SLC30A5: variants seen among roughly 807,000 people sequenced by gnomAD.
SLC30A5 encodes solute carrier family 30 member 5.
SLC30A5 carries 33 observed loss-of-function variants against 79.6 expected under a neutral mutation model. The observed-to-expected ratio is 0.41, with a 90% CI of 0.31 to 0.55. The LOEUF (loss-of-function observed/expected upper bound fraction) is 0.55. Ranked by LOEUF, SLC30A5 falls within the 20% of genes least tolerant of loss-of-function variation. The pLI is 0.20. For synonymous variants in SLC30A5, 299 were observed against 319.7 expected (o/e 0.94, Z 0.69); for missense variants, 788 against 928.1 (o/e 0.85, Z 1.96).
At chr5:69,115,164 A>T in intron 7 of SLC30A5, 73 bp from the exon 8 acceptor site, 1 of 818,302 alleles carries the variant, frequency 1.2e-6, no homozygotes, top group Non-Finnish European at 1.8e-6. Context: ...AAAAAAAAAA[A>T]AGATCATGTA....
At chr5:69,121,215 TG>T (rs1176647459) in intron 12 of SLC30A5, among the ~76,000 whole-genome samples, 1 of 152,234 alleles carries the variant, frequency 6.6e-6, no homozygotes, top group Non-Finnish European at 1.5e-5. Context: ...TGTTTTACTT[TG>T]GAAAATTTTA....
chr5:69,119,537 C>T (rs1172414755), intron 12 of SLC30A5, among the ~76,000 whole-genome samples: 4 of 152,152 alleles, frequency 2.6e-5, no homozygotes, highest in Non-Finnish European at 5.9e-5. Flanking sequence ...GTTCTAGCAC[C>T]TGGCTTGTCG....
chr5:69,116,204 C>T lies in SLC30A5; in HGVS notation c.1062C>T (p.Phe354=). 1 of 1,572,944 alleles carries T rather than the reference C, an allele frequency of 6.4e-7. No individual in the cohort carries two copies. Residue 354 remains phenylalanine, a synonymous_variant, in exon 9 of 16, where the codon TTC becomes TTT. Coordinates refer to ENST00000396591, the MANE Select transcript of SLC30A5 (RefSeq NM_022902.5). The surrounding 1 kb of genome is among the most constrained non-coding windows in gnomAD (Gnocchi z 4.0). ...LSGGVVVSAI[F]FILSANILSS... Reference sequence around the variant, plus strand: ...GAGGAGTGGTAGTGAGTGCTATATTCTTCATTTTGTGTAAGCATTCCCCCC... The same window carrying T: ...GAGGAGTGGTAGTGAGTGCTATATTTTTCATTTTGTGTAAGCATTCCCCCC...
intron 7 of SLC30A5, 100 bp from the exon 8 acceptor site, chr5:69,115,135 GAA>G (rs60614154): frequency 2.5e-3 from 1,330 of 538,530 alleles, no homozygotes; most frequent in South Asian, 7.2e-3. Flanking sequence ...TGTCTCTGGG[GAA>G]AAAAAAAAAA....
intron 14 of SLC30A5, among the ~76,000 whole-genome samples, chr5:69,125,177 G>T (rs1388964891): frequency 6.6e-6 from 1 of 151,180 alleles, no homozygotes; most frequent in Admixed American, 6.6e-5. Context: ...ATCACCTGAG[G>T]CCAGGAGTTC....
At chr5:69,110,696 T>C (rs982330813) in intron 5 of SLC30A5, among the ~76,000 whole-genome samples, 3 of 152,180 alleles carry the variant, frequency 2.0e-5, no homozygotes, top group Admixed American at 6.5e-5. Flanking sequence ...TTCATAATGA[T>C]TATAAACTTA....
At chr5:69,114,031 A>C (rs1746300386) in intron 6 of SLC30A5, among the ~76,000 whole-genome samples, 1 of 152,216 alleles carries the variant, frequency 6.6e-6, no homozygotes, top group Non-Finnish European at 1.5e-5. Context: ...TCAGTCTTAA[A>C]GGGCAACCTT....
rs1413345573 is a variant in SLC30A5, at chr5:69,116,749, G to A, written c.1281+147G>A. 1.1e-5 allele frequency: 6 copies of A among 556,354 alleles called. No individual in the cohort carries two copies. Among genetic ancestry groups the A allele is most frequent in the African/African-American group, 1.9e-5 (1 of 51,714 alleles). 34.5% of individuals were successfully genotyped at this position (556,354 alleles called of 1,614,324 possible). On this transcript the variant is annotated intron_variant, in intron 10 of 15. Coordinates refer to ENST00000396591, the MANE Select transcript of SLC30A5 (RefSeq NM_022902.5). The surrounding 1 kb of genome is among the most constrained non-coding windows in gnomAD (Gnocchi z 4.0). Reference sequence around the variant, plus strand: ...TTTCTAAGTATAATAGCAAGATTACGAGATCATATTCAGATTCCTTAGGCA... The same window carrying A: ...TTTCTAAGTATAATAGCAAGATTACAAGATCATATTCAGATTCCTTAGGCA...
intron 4 of SLC30A5, 93 bp from the exon 5 acceptor site, chr5:69,108,256 G>T: frequency 1.0e-6 from 1 of 952,426 alleles, no homozygotes; most frequent in Non-Finnish European, 1.6e-6. Context: ...GAAATCAAGG[G>T]GAAATGTTTT....
intron 5 of SLC30A5, among the ~76,000 whole-genome samples, chr5:69,112,703 G>C (rs533736927): frequency 6.6e-6 from 1 of 152,054 alleles, no homozygotes; most frequent in African/African-American, 2.4e-5. Flanking sequence ...TGACTTTGCT[G>C]GTTTTACCGT....
rs1422903901 is a variant in SLC30A5 at position 69,125,449 on chromosome 5, C to A, written c.1998+2024C>A. Among the ~76,000 whole-genome samples, 3 of 151,702 alleles carry A rather than the reference C, an allele frequency of 2.0e-5. No homozygotes were observed. The East Asian group carries it at 5.8e-4, about 29-fold the overall frequency. ...GCTGAGTCAGTAGAATCGCTTGAAC[C>A]CAGGAGGTGGAGGTTGCAGTGAGCT... On this transcript the variant is annotated intron_variant, in intron 14 of 15. Transcript: ENST00000396591.
Position 69,100,870 on chromosome 5 carries a change from A to G in SLC30A5, c.147A>G (p.Glu49=). 1 of 1,607,896 alleles carries G rather than the reference A, an allele frequency of 6.2e-7. No homozygotes were observed. Among genetic ancestry groups the G allele is most frequent in the East Asian group, 2.3e-5 (1 of 44,310 alleles). ...TTTTGAAGGCTGTGGGACTTTTCGA[A>G]TCATATGATCTCCTAAAAGCTGTTC... The part of the protein sequence containing the change: ...TKFLKAVGLF[E]SYDLLKAVHI... Residue 49 remains glutamate, a synonymous_variant, in exon 2 of 16, where the codon GAA becomes GAG. Coordinates refer to ENST00000396591, the MANE Select transcript of SLC30A5 (RefSeq NM_022902.5).
intron 7 of SLC30A5, 70 bp from the exon 8 acceptor site, chr5:69,115,167 A>AAATTTTT: frequency 1.3e-6 from 1 of 743,904 alleles, no homozygotes; most frequent in Non-Finnish European, 2.1e-6. Context: ...AAAAAAAAAG[A>AAATTTTT]TCATGTATTT....
At chr5:69,102,046 C>T (rs1745938201) in intron 2 of SLC30A5, among the ~76,000 whole-genome samples, 1 of 138,924 alleles carries the variant, frequency 7.2e-6, no homozygotes, top group Non-Finnish European at 1.5e-5. Flanking sequence ...GCACCAGTGA[C>T]GTGCTTTTTT....
At chr5:69,103,948 TTC>T (rs1396485852) in intron 3 of SLC30A5, 1 of 1,525,628 alleles carries the variant, frequency 6.6e-7, no homozygotes, top group South Asian at 1.2e-5. Flanking sequence ...TTTAACTTTT[TTC>T]TCTCCTTTCA....
Position 69,117,864 on chromosome 5 carries a change from G to A in SLC30A5, c.1439+468G>A, listed in dbSNP as rs1458238417. Among the ~76,000 whole-genome samples, 137 of 120,156 alleles carry A rather than the reference G, an allele frequency of 1.1e-3. No individual in the cohort carries two copies. In the Middle Eastern group the frequency reaches 0.021, roughly 18 times the overall value. The allele number at this position is 120,156 out of a possible 152,430, so 78.8% of individuals were successfully genotyped here. A position where few individuals can be genotyped will look rare whatever the true frequency, so the allele number is the denominator to read the frequency against. Reference sequence around the variant, plus strand: ...TGCACTCCAGCCTGGGCAACAGAGTGAGACTATGTCTCAAAAAAAAAAAAG... The same window carrying A: ...TGCACTCCAGCCTGGGCAACAGAGTAAGACTATGTCTCAAAAAAAAAAAAG... On this transcript the variant is annotated intron_variant, in intron 11 of 15. Transcript: ENST00000396591.
intron 14 of SLC30A5, among the ~76,000 whole-genome samples, chr5:69,125,821 A>C: frequency 8.1e-6 from 1 of 124,104 alleles, no homozygotes; most frequent in Admixed American, 8.3e-5. Flanking sequence ...CAGTGAGCCG[A>C]GATCACGCCA....
At chr5:69,109,260 G>A (rs1746166591) in intron 5 of SLC30A5, among the ~76,000 whole-genome samples, 1 of 151,760 alleles carries the variant, frequency 6.6e-6, no homozygotes, top group South Asian at 2.1e-4. Context: ...TTTACCTGAT[G>A]TGATTATATA....
At chr5:69,099,070 T>G (rs960333785) in intron 1 of SLC30A5, among the ~76,000 whole-genome samples, 3 of 152,336 alleles carry the variant, frequency 2.0e-5, no homozygotes, top group Middle Eastern at 3.4e-3. Flanking sequence ...ATTTGATTGA[T>G]TCTGCAATAA....
Sources: allele counts gnomAD v4.1 joint callset (sites outside exome capture counted in the v4.1 genomes callset), GRCh38; gene constraint gnomAD v4.1.1; non-coding constraint Gnocchi (gnomAD v3.1); transcripts MANE v1.5; gene names NCBI Gene and HGNC (gene_info 2026-07-23, HGNC 2026-07-21).